Variants in DAB1 observed in about 807,000 individuals in gnomAD.
DAB1 encodes disabled homolog 1.
Under a neutral mutation model 64.6 loss-of-function variants are expected in DAB1, and 15 were observed. The observed-to-expected ratio is 0.23, with a 90% CI of 0.16 to 0.36. DAB1 has a LOEUF of 0.36. Ranked by LOEUF, DAB1 falls within the 10% of genes least tolerant of loss-of-function variation. The pLI is 1.00. For synonymous variants in DAB1, 235 were observed against 251.9 expected (o/e 0.93, Z 0.64); for missense variants, 596 against 706.7 (o/e 0.84, Z 1.78).
chr1:58,137,919 A>T (rs1654038434), intron 5 of DAB1, among the ~76,000 whole-genome samples: 1 of 152,216 alleles, frequency 6.6e-6, no homozygotes, highest in South Asian at 2.1e-4. Context: ...AGTTTACGGC[A>T]CATGCATGCA....
chr1:58,440,220 G>A (rs1318414906), intron 3 of DAB1, among the ~76,000 whole-genome samples: 5 of 152,218 alleles, frequency 3.3e-5, no homozygotes, highest in Admixed American at 6.5e-5. Context: ...CCCTCTGCCT[G>A]CCTCTGCAGC....
intron 1 of DAB1, among the ~76,000 whole-genome samples, chr1:57,833,263 T>C (rs1652673279): frequency 1.3e-5 from 2 of 152,194 alleles, no homozygotes; most frequent in Admixed American, 6.5e-5. Context: ...AACCTGTAAA[T>C]AGGTGTTTAG....
At chr1:57,317,435 T>C (rs761759336) in intron 1 of DAB1, among the ~76,000 whole-genome samples, 3 of 151,646 alleles carry the variant, frequency 2.0e-5, no homozygotes, top group Non-Finnish European at 4.4e-5. Flanking sequence ...CTAATACGTG[T>C]TCTTAAAACA....
intron 1 of DAB1, among the ~76,000 whole-genome samples, chr1:57,364,059 G>T (rs1376027262): frequency 2.6e-5 from 4 of 152,102 alleles, no homozygotes; most frequent in Non-Finnish European, 5.9e-5. Context: ...TTCTCCGTTG[G>T]CCATTTTGGG....
intron 1 of DAB1, among the ~76,000 whole-genome samples, chr1:57,397,462 A>G (rs575793220): frequency 4.7e-4 from 71 of 152,158 alleles, no homozygotes; most frequent in African/African-American, 1.7e-3. Context: ...CTTCCTAGGG[A>G]CACACTCTGA....
chr1:57,711,541 C>T (rs909770884), intron 6 of DAB1, among the ~76,000 whole-genome samples: 5 of 152,192 alleles, frequency 3.3e-5, no homozygotes, highest in African/African-American at 1.2e-4. Flanking sequence ...GGGTGCCTGT[C>T]AAGGCTTGCA....
intron 6 of DAB1, among the ~76,000 whole-genome samples, chr1:57,771,260 G>T (rs972253722): frequency 1.3e-5 from 2 of 152,026 alleles, no homozygotes; most frequent in East Asian, 3.9e-4. Flanking sequence ...GTTTATATCA[G>T]GAATTTGTAA....
chr1:57,119,792 C>T (rs909231865), intron 4 of DAB1, among the ~76,000 whole-genome samples: 3 of 152,088 alleles, frequency 2.0e-5, no homozygotes, highest in Non-Finnish European at 4.4e-5. Flanking sequence ...AGCAAAACCC[C>T]CTTCCAGATT....
At chr1:58,315,108 T>A (rs1439292430) in intron 4 of DAB1, among the ~76,000 whole-genome samples, 1 of 152,222 alleles carries the variant, frequency 6.6e-6, no homozygotes, top group South Asian at 2.1e-4. Context: ...AAATTGAGGG[T>A]GAGCTTTTAG....
chr1:57,642,351 G>T (rs1646140494), intron 7 of DAB1, among the ~76,000 whole-genome samples: 1 of 152,124 alleles, frequency 6.6e-6, no homozygotes, highest in Admixed American at 6.5e-5. Context: ...TAGCCCTTAG[G>T]TGCCTACTCT....
chr1:57,644,428 C>A (rs1231136800), intron 7 of DAB1, among the ~76,000 whole-genome samples: 8 of 152,090 alleles, frequency 5.3e-5, no homozygotes, highest in Admixed American at 1.3e-4. Context: ...AATGTGCTGC[C>A]TTATGAAGTA....
intron 4 of DAB1, among the ~76,000 whole-genome samples, chr1:57,079,258 G>A (rs928779187): frequency 2.6e-5 from 4 of 151,798 alleles, no homozygotes; most frequent in African/African-American, 4.8e-5. Flanking sequence ...TTTCATATTC[G>A]AATTTAATGC....
At chr1:58,332,613 C>T (rs6587807) in intron 4 of DAB1, among the ~76,000 whole-genome samples, 39,398 of 152,008 alleles carry the variant, frequency 0.26, 5,381 homozygotes, top group South Asian at 0.35. Context: ...AAGAATGACC[C>T]GTTAGCAACA....
chr1:57,305,343 A>G (rs1462691062), intron 1 of DAB1, among the ~76,000 whole-genome samples: 1 of 152,204 alleles, frequency 6.6e-6, no homozygotes, highest in Non-Finnish European at 1.5e-5. Context: ...GAAAAGGGAA[A>G]TCAAAAATAC....
rs1275057616 is a variant in DAB1, at chr1:57,678,928, G to A, written n.552-29263C>T. On this transcript the variant is annotated intron_variant and non_coding_transcript_variant, in intron 6 of 20. Coordinates refer to the DAB1 transcript ENST00000485760. ...ACTACAAGCGCCTGCCACCATGCCC[G>A]GCTAATTTTTTTTTTTGTATTTTTC... Among the ~76,000 whole-genome samples, 105 of 73,918 alleles carry A rather than the reference G, an allele frequency of 1.4e-3. 1 individual carries two copies. Among genetic ancestry groups the A allele is most frequent in the South Asian group, 1.5e-3 (2 of 1,356 alleles). The allele number at this position is 73,918 out of a possible 152,430, so 48.5% of individuals were successfully genotyped here. A position where few individuals can be genotyped will look rare whatever the true frequency, so the allele number is the denominator to read the frequency against.
intron 5 of DAB1, among the ~76,000 whole-genome samples, chr1:58,024,795 T>C (rs1646865605): frequency 6.6e-6 from 1 of 152,146 alleles, no homozygotes; most frequent in Non-Finnish European, 1.5e-5. Flanking sequence ...ATCCAATCAG[T>C]TGAAGACCTG....
intron 7 of DAB1, among the ~76,000 whole-genome samples, chr1:57,537,396 C>A (rs746179728): frequency 6.6e-6 from 1 of 152,184 alleles, no homozygotes; most frequent in East Asian, 1.9e-4. Flanking sequence ...GCTATGATCA[C>A]CCCAGGTTGA....
intron 2 of DAB1, among the ~76,000 whole-genome samples, chr1:57,287,520 T>C (rs1672414660): frequency 1.3e-5 from 2 of 152,170 alleles, no homozygotes. Flanking sequence ...TACTTAAAGA[T>C]TGATGAGAAA....
chr1:58,102,419 G>A (rs1362186250), intron 5 of DAB1, among the ~76,000 whole-genome samples: 1 of 152,168 alleles, frequency 6.6e-6, no homozygotes, highest in African/African-American at 2.4e-5. Context: ...ACTGGTTGCT[G>A]GAATGGAGAC....
Sources: gnomAD v4.1 joint callset for allele counts (sites outside exome capture counted in the v4.1 genomes callset) on GRCh38, gnomAD v4.1.1 for gene constraint, MANE v1.5 for transcripts, NCBI Gene and HGNC (gene_info 2026-07-23, HGNC 2026-07-21) for gene names.